Variants in PLEKHM3 observed in about 807,000 individuals in gnomAD.
PLEKHM3 encodes pleckstrin homology domain-containing family M member 3.
Under a neutral mutation model 81.8 loss-of-function variants are expected in PLEKHM3, and 45 were observed. The observed-to-expected ratio is 0.55, with a 90% CI of 0.43 to 0.71. The LOEUF (loss-of-function observed/expected upper bound fraction) is 0.71. Among genes scored for constraint, PLEKHM3 ranks in the 30% least tolerant of loss-of-function variants. The pLI is 0.00. For missense variants in PLEKHM3, 788 were observed against 924.3 expected, an observed-to-expected ratio of 0.85 and a Z score of 1.91; for synonymous variants, 352 against 356.4, an observed-to-expected ratio of 0.99 and a Z score of 0.14.
At chr2:207,995,252 C>G (rs139533515) in intron 2 of PLEKHM3, among the ~76,000 whole-genome samples, 67 of 152,320 alleles carry the variant, frequency 4.4e-4, no homozygotes, top group Admixed American at 1.9e-3. Context: ...CCTTGCTTAG[C>G]TGGATTGCTT....
chr2:207,909,213 A>C (rs1265350044), intron 5 of PLEKHM3, among the ~76,000 whole-genome samples: 1 of 152,216 alleles, frequency 6.6e-6, no homozygotes, highest in East Asian at 1.9e-4. Context: ...TCTTCAACAA[A>C]GTCCAGTATC....
intron 5 of PLEKHM3, among the ~76,000 whole-genome samples, chr2:207,918,002 T>C (rs1024456557): frequency 6.6e-6 from 1 of 152,164 alleles, no homozygotes; most frequent in South Asian, 2.1e-4. Context: ...AGAGGGAGTG[T>C]TGATATGAAG....
chr2:207,954,168 T>C (rs1214372014), intron 3 of PLEKHM3, among the ~76,000 whole-genome samples: 1 of 151,940 alleles, frequency 6.6e-6, no homozygotes, highest in African/African-American at 2.4e-5. Flanking sequence ...GCTTGGGCAA[T>C]AGAGTGAGGC....
chr2:207,913,622 G>C (rs1423885428), intron 5 of PLEKHM3, among the ~76,000 whole-genome samples: 1 of 152,152 alleles, frequency 6.6e-6, no homozygotes, highest in East Asian at 1.9e-4. Flanking sequence ...GGAAAGACTG[G>C]AGAGGGGTGA....
intron 3 of PLEKHM3, among the ~76,000 whole-genome samples, chr2:207,975,556 G>C (rs1394503815): frequency 7.1e-6 from 1 of 140,666 alleles, no homozygotes; most frequent in Non-Finnish European, 1.5e-5. Flanking sequence ...CAGATATCTA[G>C]ATCGGGTTCA....
chr2:207,855,816 A>G (rs2105803239), intron 7 of PLEKHM3, among the ~76,000 whole-genome samples: 1 of 152,328 alleles, frequency 6.6e-6, no homozygotes, highest in Middle Eastern at 3.4e-3. Context: ...GGTCTGAGAA[A>G]CTGTCACACC....
At chr2:207,840,799 G>GTTTTTTTTTTTTTTTT (rs1221570591) in intron 7 of PLEKHM3, among the ~76,000 whole-genome samples, 1 of 109,794 alleles carries the variant, frequency 9.1e-6, no homozygotes, top group Non-Finnish European at 1.8e-5. Context: ...CACTTTTTAT[G>GTTTTTTTTTTTTTTTT]TTTTTTTTTT....
At chr2:207,897,741 G>A (rs1051276794) in intron 6 of PLEKHM3, among the ~76,000 whole-genome samples, 2 of 152,156 alleles carry the variant, frequency 1.3e-5, no homozygotes, top group South Asian at 2.1e-4. Flanking sequence ...TCACACTGGC[G>A]TGCTGGCCTC....
chr2:207,829,435 C>A (rs1403169498), intron 7 of PLEKHM3, among the ~76,000 whole-genome samples: 1 of 152,138 alleles, frequency 6.6e-6, no homozygotes, highest in African/African-American at 2.4e-5. Context: ...CACCACCACA[C>A]CTGGCTAATT....
chr2:207,909,626 T>C (rs1688747995), intron 5 of PLEKHM3, among the ~76,000 whole-genome samples: 1 of 152,222 alleles, frequency 6.6e-6, no homozygotes, highest in African/African-American at 2.4e-5. Context: ...GGGGTCCATA[T>C]TTTTTGAGTA....
intron 6 of PLEKHM3, among the ~76,000 whole-genome samples, chr2:207,894,627 A>G (rs1399713782): frequency 1.3e-5 from 2 of 152,148 alleles, no homozygotes; most frequent in East Asian, 1.9e-4. Context: ...TGCCTCTAGA[A>G]ATAGAGAATG....
chr2:207,929,980 T>C (rs1255825588), intron 5 of PLEKHM3: 1 of 684,602 alleles, frequency 1.5e-6, no homozygotes, highest in Non-Finnish European at 2.7e-6. Flanking sequence ...TTTAGAGACT[T>C]ATGAACGCCA....
intron 7 of PLEKHM3, among the ~76,000 whole-genome samples, chr2:207,859,560 C>T (rs1322641163): frequency 6.6e-6 from 1 of 151,314 alleles, no homozygotes; most frequent in African/African-American, 2.4e-5. Flanking sequence ...ACGAATGCTG[C>T]TGCTATGAAC....
At chr2:207,901,907 G>A (rs1217186214) in intron 6 of PLEKHM3, among the ~76,000 whole-genome samples, 1 of 152,224 alleles carries the variant, frequency 6.6e-6, no homozygotes, top group African/African-American at 2.4e-5. Flanking sequence ...TGAAGGCAGT[G>A]CCGGCTGCAG....
At chr2:207,889,836 C>T (rs1401617640) in intron 6 of PLEKHM3, among the ~76,000 whole-genome samples, 1 of 152,146 alleles carries the variant, frequency 6.6e-6, no homozygotes, top group African/African-American at 2.4e-5. Context: ...CAGAGTCTCG[C>T]TCTGTCGCCC....
At chr2:208,014,286 G>T (rs1692800587) in intron 1 of PLEKHM3, among the ~76,000 whole-genome samples, 3 of 152,180 alleles carry the variant, frequency 2.0e-5, no homozygotes, top group Admixed American at 2.0e-4. Context: ...ACAAATTGAA[G>T]GACAGAAGAA....
chr2:207,948,942 G>T (rs1018200082), intron 3 of PLEKHM3, among the ~76,000 whole-genome samples: 1 of 152,070 alleles, frequency 6.6e-6, no homozygotes, highest in Non-Finnish European at 1.5e-5. Flanking sequence ...CTCCCAAAGT[G>T]CTAGGATTAC....
chr2:207,900,457 A>G (rs1328076040), intron 6 of PLEKHM3: 1 of 152,232 alleles, frequency 6.6e-6, no homozygotes, highest in East Asian at 1.9e-4. Flanking sequence ...GGGAGAAGGA[A>G]CACAGATCTC....
In PLEKHM3 at chr2:207,855,165, C is replaced by T. The variant is rs138057622; in HGVS notation, c.2108+5940G>A. Among the ~76,000 whole-genome samples, 492 of 152,178 alleles carry T rather than the reference C, an allele frequency of 3.2e-3. 3 individuals carry two copies. The highest frequency in any genetic ancestry group is 0.011 in the African/African-American group (468 of 41,510). The stretch of plus-strand genomic sequence containing the variant: ...GGATTAGGGCAGGAAATAAGTAAGA[C>T]GATCCTGGTGCATCTGGTAGTGCTG... On this transcript the variant is annotated intron_variant, in intron 7 of 7. Coordinates refer to ENST00000427836, the MANE Select transcript of PLEKHM3 (RefSeq NM_001080475.3).
Sources: allele counts gnomAD v4.1 joint callset (sites outside exome capture counted in the v4.1 genomes callset), GRCh38; gene constraint gnomAD v4.1.1; transcripts MANE v1.5; gene names NCBI Gene and HGNC (gene_info 2026-07-23, HGNC 2026-07-21).